Variants in GREB1L observed in about 807,000 individuals in gnomAD.
GREB1L encodes the protein GREB1 like retinoic acid receptor coactivator, also known as GREB1-like protein.
GREB1L carries 17 observed loss-of-function variants against 200.8 expected under a neutral mutation model. That is an observed-to-expected ratio of 0.08 (90% CI 0.06 to 0.13). The LOEUF (loss-of-function observed/expected upper bound fraction) is 0.13, where lower values mean the gene tolerates loss of function less well. GREB1L is among the 10% of genes least tolerant of loss of function. The probability of loss-of-function intolerance (pLI) is 1.00; values close to 1 mark genes in which losing one functional copy is unlikely to be tolerated. For missense variants in GREB1L, 1,657 were observed against 2,367.7 expected, an observed-to-expected ratio of 0.70 and a Z score of 6.23; for synonymous variants, 789 against 893.0, an observed-to-expected ratio of 0.88 and a Z score of 2.08.
At chr18:21,443,912 A>G (rs2034059064) in intron 10 of GREB1L, among the ~76,000 whole-genome samples, 1 of 152,244 alleles carries the variant, frequency 6.6e-6, no homozygotes, top group Non-Finnish European at 1.5e-5. Context: ...CAGCAAATTC[A>G]AGTTTCACTT....
intron 7 of GREB1L, among the ~76,000 whole-genome samples, chr18:21,415,627 AG>A: frequency 1.3e-5 from 2 of 152,242 alleles, no homozygotes; most frequent in Middle Eastern, 6.8e-3. Flanking sequence ...ACCACCCAAA[AG>A]GGTTAGAGGA....
chr18:21,326,240 C>T (rs2039020892), intron 1 of GREB1L, among the ~76,000 whole-genome samples: 1 of 151,696 alleles, frequency 6.6e-6, no homozygotes, highest in Admixed American at 6.6e-5. Context: ...AAATTACACA[C>T]ACACATGCAA....
intron 1 of GREB1L, among the ~76,000 whole-genome samples, chr18:21,332,179 A>G (rs1488431604): frequency 6.6e-6 from 1 of 152,236 alleles, no homozygotes; most frequent in Non-Finnish European, 1.5e-5. Flanking sequence ...CATAAATATG[A>G]AGATCTGCTG....
intron 7 of GREB1L, among the ~76,000 whole-genome samples, chr18:21,420,780 C>G (rs1198157704): frequency 2.0e-5 from 3 of 152,128 alleles, no homozygotes; most frequent in African/African-American, 7.2e-5. Context: ...CATTTTATTC[C>G]TAGGTGTTTA....
chr18:21,256,492 T>C (rs1410882435), intron 1 of GREB1L, among the ~76,000 whole-genome samples: 6 of 147,774 alleles, frequency 4.1e-5, no homozygotes. Flanking sequence ...TTTCACAGAC[T>C]GTATCATTCC....
Position 21,499,824 on chromosome 18 carries a change from T to C in GREB1L, c.3487T>C (p.Leu1163=). 1.3e-6 allele frequency: 2 copies of C among 1,551,862 alleles called. No individual in the cohort carries two copies. Among genetic ancestry groups the C allele is most frequent in the African/African-American group, 1.4e-5 (1 of 73,194 alleles). The change falls in exon 22 of 33, where the codon TTG becomes CTG. Residue 1163 remains leucine, a synonymous_variant. Coordinates refer to ENST00000424526, the MANE Select transcript of GREB1L (RefSeq NM_001142966.3). ...TPSFQSPATS[L]GLDEGVSASS... Reference sequence around the variant, plus strand: ...CAGCTTTCAGAGCCCAGCCACCAGCTTGGGGCTGGATGAAGGGGTCTCCGC... The same window carrying C: ...CAGCTTTCAGAGCCCAGCCACCAGCCTGGGGCTGGATGAAGGGGTCTCCGC...
rs1225663616 is a variant in GREB1L at position 21,454,520 on chromosome 18, G to A, written c.2139G>A (p.Ser713=). 5.8e-6 allele frequency: 9 copies of A among 1,551,506 alleles called. No individual in the cohort carries two copies. Among genetic ancestry groups the A allele is most frequent in the East Asian group, 2.4e-5 (1 of 40,934 alleles). Residue 713 remains serine (S), a synonymous_variant, in exon 15 of 33, where the codon TCG becomes TCA. Coordinates refer to ENST00000424526, the MANE Select transcript of GREB1L (RefSeq NM_001142966.3). ...ACTTCATCATCATTGTTCCCAGATCGGAGGTGTTGGTTCAGCAAACTCTTC... is the reference window on the plus strand; with the variant it reads ...ACTTCATCATCATTGTTCCCAGATCAGAGGTGTTGGTTCAGCAAACTCTTC... ...KVDFIIIVPR[S]EVLVQQTLQR... is the part of the protein sequence containing the mutation.
intron 9 of GREB1L, among the ~76,000 whole-genome samples, chr18:21,440,633 G>A (rs1457783126): frequency 6.6e-6 from 1 of 152,202 alleles, no homozygotes; most frequent in African/African-American, 2.4e-5. Flanking sequence ...GGGACACAAT[G>A]CTACCAACCC....
intron 1 of GREB1L, among the ~76,000 whole-genome samples, chr18:21,338,021 T>C (rs1397912629): frequency 6.6e-6 from 1 of 152,200 alleles, no homozygotes; most frequent in Admixed American, 6.5e-5. Flanking sequence ...TTTTCTCCTT[T>C]CTTTTTAATA....
chr18:21,462,527 G>C (rs1178560521), intron 15 of GREB1L, among the ~76,000 whole-genome samples: 1 of 152,202 alleles, frequency 6.6e-6, no homozygotes, highest in Admixed American at 6.5e-5. Context: ...TTGGCTCACT[G>C]TGACCTCCGC....
chr18:21,285,190 G>T (rs983040017), intron 1 of GREB1L, among the ~76,000 whole-genome samples: 24 of 150,344 alleles, frequency 1.6e-4, no homozygotes, highest in Non-Finnish European at 3.0e-4. Flanking sequence ...AAAATTTTCT[G>T]TTCATTTTCT....
intron 19 of GREB1L, among the ~76,000 whole-genome samples, chr18:21,491,130 A>C (rs1160003496): frequency 6.6e-6 from 1 of 152,154 alleles, no homozygotes; most frequent in Non-Finnish European, 1.5e-5. Context: ...GGGCCTAGCC[A>C]TTAGAAAGCA....
chr18:21,330,779 T>G (rs998348626), intron 1 of GREB1L, among the ~76,000 whole-genome samples: 2 of 152,164 alleles, frequency 1.3e-5, no homozygotes, highest in Non-Finnish European at 2.9e-5. Context: ...CTTGCTTCCT[T>G]GACATACCTA....
chr18:21,366,591 A>G (rs540631611), intron 2 of GREB1L, among the ~76,000 whole-genome samples: 2 of 151,484 alleles, frequency 1.3e-5, no homozygotes, highest in East Asian at 2.0e-4. Context: ...GAGGCTTTTA[A>G]TTTAGAAAAG....
In GREB1L at chr18:21,515,329, A is replaced by G. The variant is rs116391269; in HGVS notation, c.4902-88A>G. 2.2e-3 allele frequency: 1,871 copies of G among 837,022 alleles called. 22 individuals are homozygous for G. In the African/African-American group the frequency reaches 0.028, roughly 13 times the overall value. 51.8% of individuals were successfully genotyped at this position (837,022 alleles called of 1,614,324 possible). ...AGTTAATTTTATCCTTGAGAGTATT[A>G]CTGGTATATAGTAGTGTGTAGACAC... is the stretch of plus-strand genomic sequence containing the variant. On this transcript the variant is annotated intron_variant, in intron 28 of 32. Coordinates refer to ENST00000424526, the MANE Select transcript of GREB1L (RefSeq NM_001142966.3).
chr18:21,434,274 A>T (rs761971357), intron 7 of GREB1L, among the ~76,000 whole-genome samples: 1 of 152,114 alleles, frequency 6.6e-6, no homozygotes, highest in South Asian at 2.1e-4. Flanking sequence ...CAGTAGTTCG[A>T]GACCAGCCTG....
At chr18:21,469,555 G>A (rs1265831780) in intron 15 of GREB1L, among the ~76,000 whole-genome samples, 1 of 152,144 alleles carries the variant, frequency 6.6e-6, no homozygotes, top group Admixed American at 6.5e-5. Flanking sequence ...ATTGAAGAAT[G>A]GTATTTAGAA....
chr18:21,392,101 C>T (rs2040842864), intron 4 of GREB1L, among the ~76,000 whole-genome samples: 1 of 152,240 alleles, frequency 6.6e-6, no homozygotes, highest in South Asian at 2.1e-4. Context: ...TGAGCCATTG[C>T]ACCTGGCCTA....
chr18:21,454,288 T>C lies in GREB1L; in HGVS notation c.1985-78T>C. 15 of 875,746 alleles carry C rather than the reference T, an allele frequency of 1.7e-5. No individual in the cohort carries two copies. In the South Asian group the frequency reaches 2.4e-4, roughly 14 times the overall value. The allele number at this position is 875,746 out of a possible 1,614,324, so 54.2% of individuals were successfully genotyped here. ...GTATTACATTACCGTCTGTGTGGTA[T>C]GTGTCCTCATAGAGATTCACAGTGG... On this transcript the variant is annotated intron_variant, in intron 14 of 32. Transcript: ENST00000424526.
Sources: gnomAD v4.1 joint callset for allele counts (sites outside exome capture counted in the v4.1 genomes callset) on GRCh38, gnomAD v4.1.1 for gene constraint, MANE v1.5 for transcripts, NCBI Gene and HGNC (gene_info 2026-07-23, HGNC 2026-07-21) for gene names.